The following MAGI2 variants were observed in gnomAD, a reference collection of about 807,000 sequenced individuals.
MAGI2 encodes the protein membrane associated guanylate kinase, WW and PDZ domain containing 2, also known as membrane-associated guanylate kinase, WW and PDZ domain-containing protein 2.
In MAGI2, 35 loss-of-function variants were observed where a neutral mutation model predicts 133.3. The observed-to-expected ratio is 0.26, with a 90% CI of 0.20 to 0.35. MAGI2 has a LOEUF of 0.35. Ranked by LOEUF, MAGI2 falls within the 10% of genes least tolerant of loss-of-function variation. MAGI2 has a pLI of 1.00. For synonymous variants in MAGI2, 729 were observed against 710.6 expected (o/e 1.03, Z -0.41); for missense variants, 1,636 against 1,863.4 (o/e 0.88, Z 2.25).
intron 1 of MAGI2, among the ~76,000 whole-genome samples, chr7:79,333,586 G>T (rs530138760): frequency 6.6e-6 from 1 of 152,194 alleles, no homozygotes; most frequent in Admixed American, 6.5e-5. Context: ...TAAGGGTTTA[G>T]AATTTTGTTG....
intron 3 of MAGI2, among the ~76,000 whole-genome samples, chr7:78,526,215 T>A (rs987676107): frequency 1.3e-5 from 2 of 152,276 alleles, no homozygotes; most frequent in African/African-American, 4.8e-5. Flanking sequence ...CCAGAACTCA[T>A]AGAGGAGAAC....
intron 3 of MAGI2, among the ~76,000 whole-genome samples, chr7:78,592,429 T>C (rs966640054): frequency 3.3e-5 from 5 of 151,778 alleles, no homozygotes; most frequent in African/African-American, 1.2e-4. Context: ...TCTGCTCTCC[T>C]GGGTTAGCAC....
intron 6 of MAGI2, among the ~76,000 whole-genome samples, chr7:78,463,227 T>A (rs1319793440): frequency 6.6e-6 from 1 of 152,198 alleles, no homozygotes. Flanking sequence ...TACATGAGGC[T>A]GTACCACGAA....
intron 2 of MAGI2, among the ~76,000 whole-genome samples, chr7:78,830,622 A>T (rs1584064494): frequency 6.6e-6 from 1 of 152,334 alleles, no homozygotes; most frequent in East Asian, 1.9e-4. Context: ...TATCTCTAAA[A>T]TCAGGGCTGT....
At chr7:78,271,892 C>T (rs770739229) in intron 9 of MAGI2, among the ~76,000 whole-genome samples, 1 of 152,072 alleles carries the variant, frequency 6.6e-6, no homozygotes, top group Non-Finnish European at 1.5e-5. Context: ...TTTCTAAAAA[C>T]CAGCTCCTAG....
At chr7:78,117,561 A>C (rs1819997724) in intron 20 of MAGI2, among the ~76,000 whole-genome samples, 1 of 152,142 alleles carries the variant, frequency 6.6e-6, no homozygotes, top group Non-Finnish European at 1.5e-5. Flanking sequence ...AAAACCTATT[A>C]AACATCATGT....
intron 1 of MAGI2, among the ~76,000 whole-genome samples, chr7:79,272,433 A>G (rs1834944148): frequency 6.6e-6 from 1 of 152,124 alleles, no homozygotes; most frequent in Admixed American, 6.5e-5. Flanking sequence ...GTGCTCCTTA[A>G]TTACTAGAAC....
At chr7:78,505,357 G>T (rs1342903639) in intron 4 of MAGI2, among the ~76,000 whole-genome samples, 1 of 152,122 alleles carries the variant, frequency 6.6e-6, no homozygotes, top group Non-Finnish European at 1.5e-5. Context: ...GGGAAATTAT[G>T]AATATAATAT....
At chr7:79,078,732 T>G (rs1490645759) in intron 1 of MAGI2, among the ~76,000 whole-genome samples, 1 of 152,174 alleles carries the variant, frequency 6.6e-6, no homozygotes, top group Non-Finnish European at 1.5e-5. Context: ...TTAACTACTA[T>G]AAACCAAGGA....
At chr7:79,452,973 A>G in intron 1 of MAGI2, 47 bp downstream of exon 1, 1 of 1,504,258 alleles carries the variant, frequency 6.6e-7, no homozygotes, top group Non-Finnish European at 8.8e-7. Context: ...CTGCGCCCCG[A>G]GCGGTCCCAC....
intron 2 of MAGI2, among the ~76,000 whole-genome samples, chr7:78,870,347 C>A: frequency 8.3e-6 from 1 of 120,464 alleles, no homozygotes; most frequent in African/African-American, 2.8e-5. Context: ...AAGTGAGACC[C>A]TGTCTCAGAA....
chr7:79,248,160 G>A (rs1236694236), intron 1 of MAGI2, among the ~76,000 whole-genome samples: 1 of 152,004 alleles, frequency 6.6e-6, no homozygotes, highest in Non-Finnish European at 1.5e-5. Context: ...CTAAAAATAA[G>A]GAGATGGAAA....
At chr7:78,656,463 TAG>T (rs1274444691) in intron 2 of MAGI2, among the ~76,000 whole-genome samples, 2 of 152,114 alleles carry the variant, frequency 1.3e-5, no homozygotes, top group African/African-American at 4.8e-5. Context: ...ACATGATATC[TAG>T]AGTCTTAAAA....
intron 1 of MAGI2, among the ~76,000 whole-genome samples, chr7:79,386,250 TTAACA>T (rs1844172816): frequency 6.6e-6 from 1 of 152,072 alleles, no homozygotes; most frequent in African/African-American, 2.4e-5. Flanking sequence ...CTGAAAGGTA[TTAACA>T]TAGATATGCA....
chr7:78,519,669 T>C (rs1796333921), intron 4 of MAGI2, among the ~76,000 whole-genome samples: 1 of 152,234 alleles, frequency 6.6e-6, no homozygotes, highest in South Asian at 2.1e-4. Flanking sequence ...CTAGATTCAG[T>C]AAGCCCCATA....
At chr7:78,670,019 G>A (rs1585035617) in intron 2 of MAGI2, among the ~76,000 whole-genome samples, 1 of 151,708 alleles carries the variant, frequency 6.6e-6, no homozygotes, top group Middle Eastern at 3.4e-3. Context: ...CAAAAGACAG[G>A]GATGCCCTCT....
chr7:78,032,643 T>C (rs1809712830), intron 21 of MAGI2, among the ~76,000 whole-genome samples: 1 of 152,186 alleles, frequency 6.6e-6, no homozygotes, highest in Non-Finnish European at 1.5e-5. Flanking sequence ...CAAAGATTAA[T>C]ATACAAATAG....
At chr7:78,431,833 G>T (rs753652267) in intron 6 of MAGI2, among the ~76,000 whole-genome samples, 3 of 151,916 alleles carry the variant, frequency 2.0e-5, no homozygotes, top group Admixed American at 2.0e-4. Context: ...ATAATACTAG[G>T]AGGAGAAAAT....
intron 1 of MAGI2, among the ~76,000 whole-genome samples, chr7:79,283,767 AT>A (rs1416961814): frequency 6.6e-6 from 1 of 152,010 alleles, no homozygotes; most frequent in African/African-American, 2.4e-5. Context: ...TGCTGTTTAG[AT>A]TATTTTAGTT....
Sources: allele counts gnomAD v4.1 joint callset (sites outside exome capture counted in the v4.1 genomes callset), GRCh38; gene constraint gnomAD v4.1.1; transcripts MANE v1.5; gene names NCBI Gene and HGNC (gene_info 2026-07-23, HGNC 2026-07-21).